RANBP2: variants seen among roughly 807,000 people sequenced by gnomAD.
RANBP2 encodes E3 SUMO-protein ligase RanBP2.
RANBP2 carries 57 observed loss-of-function variants against 303.6 expected under a neutral mutation model. That is an observed-to-expected ratio of 0.19 (90% CI 0.15 to 0.23). RANBP2 has a LOEUF of 0.23. Ranked by LOEUF, RANBP2 falls within the 10% of genes least tolerant of loss-of-function variation. The probability of loss-of-function intolerance (pLI) is 1.00; values close to 1 mark genes in which losing one functional copy is unlikely to be tolerated. For missense variants in RANBP2, 3,138 were observed against 3,780.8 expected, an observed-to-expected ratio of 0.83 and a Z score of 4.46; for synonymous variants, 1,167 against 1,301.5, an observed-to-expected ratio of 0.90 and a Z score of 2.23.
chr2:109,489,386 T>C, the RANBP2 span, among the ~76,000 whole-genome samples: 1 of 152,198 alleles, frequency 6.6e-6, no homozygotes, highest in Non-Finnish European at 1.5e-5. Context: ...GGGACTTGGC[T>C]GGGGCCGGAG....
chr2:108,739,883 A>G (rs185994330), intron 6 of RANBP2, among the ~76,000 whole-genome samples: 15 of 152,078 alleles, frequency 9.9e-5, no homozygotes, highest in South Asian at 2.1e-4. Context: ...AGCTACTCAG[A>G]AGGCTGAGTC....
the RANBP2 span, among the ~76,000 whole-genome samples, chr2:109,070,923 A>G: frequency 4.6e-5 from 7 of 151,610 alleles, no homozygotes; most frequent in African/African-American, 1.7e-4. Flanking sequence ...CTCTCTCGCC[A>G]TGTGGGGCAC....
intron 23 of RANBP2, among the ~76,000 whole-genome samples, chr2:108,773,711 A>G (rs1677677542): frequency 6.7e-6 from 1 of 149,330 alleles, no homozygotes; most frequent in South Asian, 2.1e-4. Flanking sequence ...CAGTGGGGCG[A>G]TCTCTGCTCG....
the RANBP2 span, among the ~76,000 whole-genome samples, chr2:109,008,980 A>G: frequency 2.0e-5 from 3 of 152,010 alleles, no homozygotes; most frequent in African/African-American, 7.2e-5. Flanking sequence ...TTTATATTTT[A>G]TATACTTAGA....
chr2:108,948,616 GGAGA>G, the RANBP2 span, among the ~76,000 whole-genome samples: 1 of 151,780 alleles, frequency 6.6e-6, no homozygotes, highest in Non-Finnish European at 1.5e-5. Flanking sequence ...CATGGTGGCA[GGAGA>G]GAGAGAGAGA....
the RANBP2 span, among the ~76,000 whole-genome samples, chr2:108,905,829 C>T: frequency 6.6e-6 from 1 of 150,472 alleles, no homozygotes; most frequent in Non-Finnish European, 1.5e-5. Flanking sequence ...TATGGGGAGA[C>T]AGCCTGACTT....
At chr2:109,501,037 T>C in the RANBP2 span, among the ~76,000 whole-genome samples, 1 of 152,154 alleles carries the variant, frequency 6.6e-6, no homozygotes, top group African/African-American at 2.4e-5. Context: ...GGTGCTGCAG[T>C]TGAGGAGCGT....
At chr2:108,935,777 CCAGA>C in the RANBP2 span, among the ~76,000 whole-genome samples, 24 of 152,206 alleles carry the variant, frequency 1.6e-4, no homozygotes, top group Non-Finnish European at 3.5e-4. Context: ...AAGGACGGTG[CCAGA>C]CAGATAGGGT....
chr2:108,798,853 A>ACACAT, the RANBP2 span, among the ~76,000 whole-genome samples: 1 of 144,272 alleles, frequency 6.9e-6, no homozygotes, highest in Admixed American at 6.8e-5. Context: ...ACACACACAC[A>ACACAT]TTTTTTCTGA....
chr2:109,498,541 G>A, the RANBP2 span, among the ~76,000 whole-genome samples: 2 of 152,232 alleles, frequency 1.3e-5, no homozygotes, highest in East Asian at 1.9e-4. Flanking sequence ...GGGTGGGGAA[G>A]GGCAAAGGCT....
At chr2:108,911,176 C>G in the RANBP2 span, 1 of 1,412,646 alleles carries the variant, frequency 7.1e-7, no homozygotes, top group Non-Finnish European at 1.0e-6. Flanking sequence ...CCCTGGGATG[C>G]TTTCAGGGAA....
chr2:109,515,089 G>A, the RANBP2 span, among the ~76,000 whole-genome samples: 2 of 152,196 alleles, frequency 1.3e-5, no homozygotes, highest in Non-Finnish European at 2.9e-5. Context: ...GCCTCTGTCT[G>A]CTGGGCATAG....
chr2:108,725,098 C>G (rs1219197755), intron 1 of RANBP2, among the ~76,000 whole-genome samples: 2 of 152,100 alleles, frequency 1.3e-5, no homozygotes, highest in African/African-American at 2.4e-5. Context: ...TCTTACTGTT[C>G]CTGTTTTCAG....
the RANBP2 span, among the ~76,000 whole-genome samples, chr2:109,078,714 GGT>G: frequency 1.3e-5 from 2 of 150,582 alleles, no homozygotes; most frequent in East Asian, 3.9e-4. Flanking sequence ...CGGGCGCGTT[GGT>G]GCGCGCCTGT....
At chr2:108,732,116 T>A (rs1169575926) in intron 4 of RANBP2, among the ~76,000 whole-genome samples, 2 of 152,200 alleles carry the variant, frequency 1.3e-5, no homozygotes, top group Non-Finnish European at 2.9e-5. Context: ...CTTTATCGTG[T>A]GTGTACAATA....
the RANBP2 span, among the ~76,000 whole-genome samples, chr2:108,956,891 C>T: frequency 3.3e-5 from 5 of 152,140 alleles, no homozygotes; most frequent in South Asian, 8.3e-4. Context: ...CAGGTTCAAG[C>T]GGTTCTCCTG....
At chr2:109,472,432 T>TGCGGGGCTTCCCG in the RANBP2 span, among the ~76,000 whole-genome samples, 1 of 152,114 alleles carries the variant, frequency 6.6e-6, no homozygotes, top group Non-Finnish European at 1.5e-5. Context: ...CTGCAGAGCT[T>TGCGGGGCTTCCCG]GCGGGGCTTC....
the RANBP2 span, among the ~76,000 whole-genome samples, chr2:109,428,636 G>A: frequency 0.038 from 5,714 of 152,316 alleles, 328 homozygotes; most frequent in African/African-American, 0.12. Flanking sequence ...CCCTATACAC[G>A]CTACCAGGTG....
Position 108,782,250 on chromosome 2 carries a change from T to C in RANBP2, c.8883T>C (p.Leu2961=). 2.5e-6 allele frequency: 4 copies of C among 1,614,144 alleles called. No homozygotes were observed. The highest frequency in any genetic ancestry group is 3.4e-6 in the Non-Finnish European group (4 of 1,180,014). Residue 2961 remains leucine (L), a synonymous_variant, in exon 27 of 29, where the codon CTT becomes CTC. Transcript: ENST00000283195. ...GCGGTGTTGGAGATATAAAGATTCT[T>C]TGGCATACAATGAAGAATTATTACC... ...KERGVGDIKI[L]WHTMKNYYRI... is the part of the protein sequence containing the mutation.
Sources: allele counts gnomAD v4.1 joint callset (sites outside exome capture counted in the v4.1 genomes callset), GRCh38; gene constraint gnomAD v4.1.1; transcripts MANE v1.5; gene names NCBI Gene and HGNC (gene_info 2026-07-23, HGNC 2026-07-21).